The following PPFIA2 variants were observed in gnomAD, a reference collection of about 807,000 sequenced individuals.
PPFIA2 encodes the protein liprin-alpha-2.
A neutral mutation model predicts 175.5 loss-of-function variants in PPFIA2; 46 were observed. The observed-to-expected ratio is 0.26, with a 90% CI of 0.21 to 0.34. The LOEUF (loss-of-function observed/expected upper bound fraction) is 0.34, where lower values mean the gene tolerates loss of function less well. PPFIA2 is among the 10% of genes least tolerant of loss of function. The pLI, the probability that PPFIA2 is intolerant of heterozygous loss-of-function variation, is 1.00. For missense variants in PPFIA2, 1,179 were observed against 1,506.1 expected (o/e 0.78, Z 3.60); for synonymous variants, 568 against 511.4 (o/e 1.11, Z -1.49).
chr12:81,669,164 A>T (rs2070937423), intron 4 of PPFIA2, among the ~76,000 whole-genome samples: 1 of 151,638 alleles, frequency 6.6e-6, no homozygotes, highest in Admixed American at 6.6e-5. Flanking sequence ...CCTGGGTCCT[A>T]TTTCTTTCCC....
chr12:81,540,212 T>TA (rs2065997344), intron 4 of PPFIA2, among the ~76,000 whole-genome samples: 1 of 151,990 alleles, frequency 6.6e-6, no homozygotes, highest in African/African-American at 2.4e-5. Flanking sequence ...AACAAGGTAA[T>TA]AAAAACACCA....
chr12:81,606,794 T>G (rs1312152560), intron 4 of PPFIA2, among the ~76,000 whole-genome samples: 1 of 152,174 alleles, frequency 6.6e-6, no homozygotes, highest in Admixed American at 6.6e-5. Context: ...TTTATTTCAC[T>G]GTGCAGAAGC....
At chr12:81,732,912 A>G (rs1016958342) in intron 3 of PPFIA2, among the ~76,000 whole-genome samples, 1 of 151,582 alleles carries the variant, frequency 6.6e-6, no homozygotes, top group Non-Finnish European at 1.5e-5. Flanking sequence ...GAACAGACCC[A>G]AAATTAAACA....
At chr12:81,614,018 C>G (rs115267967) in intron 4 of PPFIA2, among the ~76,000 whole-genome samples, 1 of 152,024 alleles carries the variant, frequency 6.6e-6, no homozygotes, top group African/African-American at 2.4e-5. Flanking sequence ...AAAACCATGA[C>G]CAAATCAAGA....
intron 24 of PPFIA2, 22 bp downstream of exon 24, chr12:81,294,813 G>C: frequency 6.2e-7 from 1 of 1,607,414 alleles, no homozygotes; most frequent in Non-Finnish European, 8.5e-7. Context: ...CTGAGGAAGG[G>C]GAGGAGCAGA....
chr12:81,413,234 G>T (rs762550498), intron 7 of PPFIA2, among the ~76,000 whole-genome samples: 1 of 151,560 alleles, frequency 6.6e-6, no homozygotes, highest in East Asian at 1.9e-4. Flanking sequence ...AGAAATATTT[G>T]TAGAATGTCA....
chr12:81,390,264 T>C (rs1487010665), intron 8 of PPFIA2, among the ~76,000 whole-genome samples: 13 of 152,068 alleles, frequency 8.5e-5, no homozygotes, highest in Non-Finnish European at 2.9e-5. Context: ...TAAGTCTTTA[T>C]ACGGACAAAT....
Position 81,394,801 on chromosome 12 carries a change from C to T in PPFIA2, c.763-10557G>A, listed in dbSNP as rs537689903. ...AAACCTGCATATTCTGCATGTGTCC[C>T]AGAAGTTAAAAAAAAAAAAAAACTG... On this transcript the variant is annotated intron_variant, in intron 8 of 32. Coordinates refer to ENST00000549396, the MANE Select transcript of PPFIA2 (RefSeq NM_003625.5). Among the ~76,000 whole-genome samples the T allele has an allele frequency of 3.4e-5, 5 of 145,788 alleles. No homozygotes were observed. The South Asian group carries it at 1.1e-3, about 33-fold the overall frequency.
At chr12:81,617,721 G>T (rs1922417) in intron 4 of PPFIA2, among the ~76,000 whole-genome samples, 142 of 152,194 alleles carry the variant, frequency 9.3e-4, no homozygotes, top group East Asian at 7.7e-4. Context: ...CATGGGTGTC[G>T]TTGCAGTTCA....
rs1374618305 is a variant in PPFIA2, at chr12:81,283,036, C to T, written c.2992G>A (p.Glu998Lys). The T allele has an allele frequency of 6.2e-7, 1 of 1,611,868 alleles. No individual in the cohort carries two copies. Among genetic ancestry groups the T allele is most frequent in the Non-Finnish European group, 8.5e-7 (1 of 1,178,556 alleles). The part of the protein sequence containing the change: ...ENLAAPAKTK[E>K]SEEGSWAQCP... ...TGGGCCCAGCTTCCTTCCTCAGATT[C>T]TTTCTGTGTTAGCAGCAGGAAATGA... The change falls in exon 26 of 33, where the codon GAA (glutamate) becomes AAA (lysine). Residue 998 changes from glutamate to lysine, a missense_variant. Physicochemically the swap from Glu to Lys is moderately conservative, Grantham distance 56. Coordinates refer to ENST00000549396, the MANE Select transcript of PPFIA2 (RefSeq NM_003625.5).
chr12:81,628,285 G>A (rs1186580493), intron 4 of PPFIA2, among the ~76,000 whole-genome samples: 2 of 151,226 alleles, frequency 1.3e-5, no homozygotes, highest in Non-Finnish European at 1.5e-5. Context: ...AGCATCAATT[G>A]ATCCCAAGCT....
intron 4 of PPFIA2, among the ~76,000 whole-genome samples, chr12:81,605,986 G>C (rs2060272385): frequency 6.6e-6 from 1 of 151,724 alleles, no homozygotes; most frequent in Middle Eastern, 3.2e-3. Context: ...TCCCACCATA[G>C]TAGTCTACAG....
At chr12:81,281,937 T>A (rs1432988274) in intron 26 of PPFIA2, among the ~76,000 whole-genome samples, 1 of 152,046 alleles carries the variant, frequency 6.6e-6, no homozygotes, top group Non-Finnish European at 1.5e-5. Context: ...AGAGACAGAA[T>A]TTTGAAGCTT....
intron 4 of PPFIA2, among the ~76,000 whole-genome samples, chr12:81,596,827 T>C (rs1376375507): frequency 6.6e-6 from 1 of 152,128 alleles, no homozygotes; most frequent in Non-Finnish European, 1.5e-5. Context: ...GAATATATTT[T>C]GTAAAACCAC....
intron 7 of PPFIA2, among the ~76,000 whole-genome samples, chr12:81,433,095 AC>A (rs921433573): frequency 4.5e-4 from 68 of 152,064 alleles, no homozygotes; most frequent in African/African-American, 1.5e-3. Context: ...CATAAAATCT[AC>A]AAATTTTTAG....
intron 3 of PPFIA2, among the ~76,000 whole-genome samples, chr12:81,746,188 G>C: frequency 6.9e-6 from 1 of 144,430 alleles, no homozygotes; most frequent in East Asian, 2.1e-4. Flanking sequence ...GGAGTGTTCA[G>C]AAATGTTAGC....
intron 3 of PPFIA2, among the ~76,000 whole-genome samples, chr12:81,701,382 C>T (rs186682406): frequency 3.8e-4 from 58 of 152,106 alleles, no homozygotes; most frequent in Admixed American, 1.3e-3. Flanking sequence ...TATGAGGGTA[C>T]CATCTTGAAG....
chr12:81,704,317 C>T (rs924850514), intron 3 of PPFIA2, among the ~76,000 whole-genome samples: 2 of 151,898 alleles, frequency 1.3e-5, no homozygotes, highest in Non-Finnish European at 2.9e-5. Context: ...TTTATTGAAC[C>T]CAGTACCTAT....
chr12:81,642,759 C>CATATAT (rs2065368973), intron 4 of PPFIA2, among the ~76,000 whole-genome samples: 2 of 7,158 alleles, frequency 2.8e-4, no homozygotes, highest in Non-Finnish European at 6.4e-4. Flanking sequence ...TATATACATA[C>CATATAT]ATGTATATGT....
Sources: allele counts gnomAD v4.1 joint callset (sites outside exome capture counted in the v4.1 genomes callset), GRCh38; gene constraint gnomAD v4.1.1; transcripts MANE v1.5; gene names NCBI Gene and HGNC (gene_info 2026-07-23, HGNC 2026-07-21).